The following NQO1 variants were observed in gnomAD, a reference collection of about 807,000 sequenced individuals.
The protein encoded by NQO1 is NAD(P)H dehydrogenase [quinone] 1.
In NQO1, 30 loss-of-function variants were observed where a neutral mutation model predicts 32.1. That is an observed-to-expected ratio of 0.94 (90% CI 0.70 to 1.27). The LOEUF (loss-of-function observed/expected upper bound fraction) is 1.27, where lower values mean the gene tolerates loss of function less well. Ranked by LOEUF, NQO1 falls within the 50% of genes most tolerant of loss-of-function variation. The pLI, the probability that NQO1 is intolerant of heterozygous loss-of-function variation, is 0.00. For synonymous variants in NQO1, 109 were observed against 119.7 expected, an observed-to-expected ratio of 0.91 and a Z score of 0.59; for missense variants, 276 against 331.3, an observed-to-expected ratio of 0.83 and a Z score of 1.30.
intron 1 of NQO1, among the ~76,000 whole-genome samples, chr16:69,722,726 G>C (rs890674994): frequency 9.2e-5 from 14 of 152,178 alleles, no homozygotes; most frequent in African/African-American, 3.4e-4. Flanking sequence ...CAATGCGCTG[G>C]AAGTGATTGA....
chr16:69,713,626 C>T (rs934782697), intron 4 of NQO1, among the ~76,000 whole-genome samples: 3 of 152,146 alleles, frequency 2.0e-5, no homozygotes, highest in Non-Finnish European at 4.4e-5. Context: ...TCACCTTCAC[C>T]TCTCAGTATT....
At chr16:69,716,936 G>A (rs2038120680) in intron 3 of NQO1, among the ~76,000 whole-genome samples, 1 of 152,146 alleles carries the variant, frequency 6.6e-6, no homozygotes, top group African/African-American at 2.4e-5. Flanking sequence ...GGGTGACCGT[G>A]AGACCTTGTC....
intron 1 of NQO1, among the ~76,000 whole-genome samples, chr16:69,722,959 G>A (rs2038212021): frequency 6.6e-6 from 1 of 152,086 alleles, no homozygotes. Context: ...ACAGAGTTTC[G>A]CTCTGTCGCC....
intron 5 of NQO1, among the ~76,000 whole-genome samples, chr16:69,711,869 G>A (rs1189230166): frequency 2.0e-5 from 3 of 152,022 alleles, no homozygotes; most frequent in South Asian, 4.1e-4. Flanking sequence ...GACCAGGCTG[G>A]TCTCGAACTC....
intron 1 of NQO1, among the ~76,000 whole-genome samples, chr16:69,719,966 C>T (rs1486480670): frequency 1.3e-5 from 2 of 151,856 alleles, no homozygotes; most frequent in Non-Finnish European, 2.9e-5. Context: ...TTTTTAGAGA[C>T]TGTTGACCAG....
chr16:69,721,535 C>G (rs1230768971), intron 1 of NQO1, among the ~76,000 whole-genome samples: 2 of 152,154 alleles, frequency 1.3e-5, no homozygotes, highest in African/African-American at 4.8e-5. Flanking sequence ...TATTAACTAC[C>G]TAGTCCCAAG....
intron 1 of NQO1, among the ~76,000 whole-genome samples, chr16:69,721,378 C>G (rs1007238023): frequency 6.6e-6 from 1 of 152,176 alleles, no homozygotes; most frequent in African/African-American, 2.4e-5. Flanking sequence ...ACGGGGCTCA[C>G]CTGCCCTTCC....
chr16:69,718,484 A>G lies in NQO1; in HGVS notation c.58T>C (p.Tyr20His). The change falls in exon 2 of 6, where the codon TAT (tyrosine) becomes CAT (histidine). Residue 20 changes from tyrosine (Y) to histidine (H), a missense_variant. Tyr to His is a moderately conservative substitution (Grantham distance 83, BLOSUM62 2). Transcript: ENST00000320623. ...LAHSERTSFN[Y>H]AMKEAAAAAL... ...GCTGCAGCAGCCTCCTTCATGGCAT[A>G]GTTGAAGGACGTCCTCTCTGAGTGA... 1.2e-6 allele frequency: 2 copies of G among 1,614,152 alleles called. No homozygotes were observed. Among genetic ancestry groups the G allele is most frequent in the Non-Finnish European group, 1.7e-6 (2 of 1,180,034 alleles).
intron 1 of NQO1, 45 bp from the exon 2 acceptor site, chr16:69,718,579 C>A: frequency 6.3e-7 from 1 of 1,594,896 alleles, no homozygotes; most frequent in South Asian, 1.1e-5. Context: ...CCATTACCAA[C>A]CAGCAAACCT....
chr16:69,720,742 C>G (rs1043954530), intron 1 of NQO1, among the ~76,000 whole-genome samples: 1 of 152,046 alleles, frequency 6.6e-6, no homozygotes, highest in African/African-American at 2.4e-5. Context: ...TAAGAAATGG[C>G]AAAGAGGTAC....
chr16:69,723,627 G>T lies in NQO1; in HGVS notation c.7+2806C>A, dbSNP rs182120162. ...AGCCTGGTTAACATGGTGAAACCCC[G>T]TCTCTACTAAAAATACAAAAAAAAA... On this transcript the variant is annotated intron_variant, in intron 1 of 5. Coordinates refer to ENST00000320623, the MANE Select transcript of NQO1 (RefSeq NM_000903.3). Among the ~76,000 whole-genome samples the T allele has an allele frequency of 3.8e-3, 579 of 151,814 alleles. 4 individuals carry two copies. Among genetic ancestry groups the T allele is most frequent in the African/African-American group, 0.013 (538 of 41,388 alleles).
intron 3 of NQO1, among the ~76,000 whole-genome samples, chr16:69,716,935 T>C (rs1480411739): frequency 6.6e-6 from 1 of 152,132 alleles, no homozygotes; most frequent in African/African-American, 2.4e-5. Flanking sequence ...TGGGTGACCG[T>C]GAGACCTTGT....
rs1476136712 is a variant in NQO1, at chr16:69,724,839, C to T, written c.7+1594G>A. ...GCATCTATTAGTTGCAAACAAAAAA[C>T]CTGGATGCTTTAGTTAACCTCAAGA... is the stretch of plus-strand genomic sequence containing the variant. On this transcript the variant is annotated intron_variant, in intron 1 of 5. Coordinates refer to ENST00000320623, the MANE Select transcript of NQO1 (RefSeq NM_000903.3). Among the ~76,000 whole-genome samples the T allele has an allele frequency of 2.0e-5, 3 of 152,140 alleles. No homozygotes were observed. In the East Asian group the frequency reaches 5.8e-4, roughly 29 times the overall value.
intron 3 of NQO1, 63 bp from the exon 4 acceptor site, chr16:69,715,140 G>T: frequency 8.1e-7 from 1 of 1,234,884 alleles, no homozygotes. Flanking sequence ...AAGGTGGCTC[G>T]GAGTGCTGAG....
chr16:69,713,865 C>T (rs185417413), intron 4 of NQO1, among the ~76,000 whole-genome samples: 15 of 150,780 alleles, frequency 9.9e-5, no homozygotes, highest in Admixed American at 6.0e-4. Flanking sequence ...CCACCACATC[C>T]GGCTAATTTT....
At chr16:69,716,633 A>C (rs1215794254) in intron 3 of NQO1, among the ~76,000 whole-genome samples, 1 of 152,184 alleles carries the variant, frequency 6.6e-6, no homozygotes, top group African/African-American at 2.4e-5. Context: ...AGTAAGGACT[A>C]TACCAGGAGG....
chr16:69,713,026 A>T lies in NQO1; in HGVS notation c.519+2T>A, dbSNP rs2038061558. The T allele has an allele frequency of 6.2e-7, 1 of 1,610,358 alleles. No individual in the cohort carries two copies. Among genetic ancestry groups the T allele is most frequent in the Non-Finnish European group, 8.5e-7 (1 of 1,177,166 alleles). ...AAAAGAAAAGAAAAGAAAATGAGGTACCTGAATTGGCCAGAGAATGACATT... is the reference window on the plus strand; with the variant it reads ...AAAAGAAAAGAAAAGAAAATGAGGTTCCTGAATTGGCCAGAGAATGACATT... On this transcript the variant is annotated splice_donor_variant, in intron 5 of 5. Transcript: ENST00000320623. LOFTEE classifies it high-confidence loss of function.
chr16:69,712,106 G>A (rs1345139286), intron 5 of NQO1, among the ~76,000 whole-genome samples: 3 of 151,904 alleles, frequency 2.0e-5, no homozygotes, highest in South Asian at 2.1e-4. Flanking sequence ...CTTTTTCTTC[G>A]AAACAGGGTC....
chr16:69,716,896 A>G (rs960592805), intron 3 of NQO1, among the ~76,000 whole-genome samples: 2 of 152,172 alleles, frequency 1.3e-5, no homozygotes, highest in African/African-American at 4.8e-5. Context: ...GGCAGCAGTG[A>G]GCAGAGATCA....
Sources: allele counts gnomAD v4.1 joint callset (sites outside exome capture counted in the v4.1 genomes callset), GRCh38; gene constraint gnomAD v4.1.1; transcripts MANE v1.5; gene names NCBI Gene and HGNC (gene_info 2026-07-23, HGNC 2026-07-21).